C16orf78: variants seen among roughly 807,000 people sequenced by gnomAD.
C16orf78 encodes the protein uncharacterized protein C16orf78.
Under a neutral mutation model 27.3 loss-of-function variants are expected in C16orf78, and 19 were observed. The observed-to-expected ratio is 0.70, with a 90% CI of 0.49 to 1.02. The LOEUF is 1.02. Ranked by LOEUF, C16orf78 falls within the 50% of genes least tolerant of loss-of-function variation. The probability of loss-of-function intolerance (pLI) is 0.00; values close to 1 mark genes in which losing one functional copy is unlikely to be tolerated. For missense variants in C16orf78, 339 were observed against 337.0 expected (o/e 1.01, Z -0.05); for synonymous variants, 130 against 116.1 (o/e 1.12, Z -0.77).
At chr16:49,388,740 C>T (rs1965378261) in intron 3 of C16orf78, among the ~76,000 whole-genome samples, 1 of 152,172 alleles carries the variant, frequency 6.6e-6, no homozygotes, top group Non-Finnish European at 1.5e-5. Context: ...TCTTAAACTC[C>T]TGAGCTCAAG....
At chr16:49,378,015 C>T (rs1025692094) in intron 2 of C16orf78, among the ~76,000 whole-genome samples, 165 bp downstream of exon 2, 10 of 152,208 alleles carry the variant, frequency 6.6e-5, no homozygotes, top group Admixed American at 3.3e-4. Context: ...CCCCTCCCTA[C>T]CCTGTCCAGC....
intron 3 of C16orf78, among the ~76,000 whole-genome samples, chr16:49,386,294 A>C (rs1251318173): frequency 5.9e-5 from 9 of 152,262 alleles, no homozygotes; most frequent in Non-Finnish European, 1.2e-4. Context: ...TGGGTAGGTC[A>C]TGCAGGCAGA....
chr16:49,380,378 TA>T, intron 3 of C16orf78, among the ~76,000 whole-genome samples: 1 of 152,306 alleles, frequency 6.6e-6, no homozygotes, highest in East Asian at 1.9e-4. Context: ...AAGGTTTATT[TA>T]AAAAATAATC....
intron 3 of C16orf78, among the ~76,000 whole-genome samples, chr16:49,381,095 A>G (rs1166106910): frequency 1.3e-5 from 2 of 152,144 alleles, no homozygotes; most frequent in Non-Finnish European, 2.9e-5. Context: ...CTTTTGGCTT[A>G]GGATTGACTT....
At chr16:49,382,417 T>A (rs1318204474) in intron 3 of C16orf78, among the ~76,000 whole-genome samples, 1 of 146,416 alleles carries the variant, frequency 6.8e-6, no homozygotes. Flanking sequence ...AGTATAATAA[T>A]AAAATAAATA....
At chr16:49,380,832 G>A (rs1332511675) in intron 3 of C16orf78, among the ~76,000 whole-genome samples, 1 of 152,052 alleles carries the variant, frequency 6.6e-6, no homozygotes, top group East Asian at 1.9e-4. Flanking sequence ...AAGGGATCCA[G>A]TTTCAGCTTT....
At chr16:49,379,971 A>T (rs1336030384) in intron 3 of C16orf78, among the ~76,000 whole-genome samples, 2 of 152,242 alleles carry the variant, frequency 1.3e-5, no homozygotes. Context: ...CTGCCAGCAC[A>T]GCTAGAATAA....
chr16:49,374,406 T>C (rs1184348270), intron 1 of C16orf78, among the ~76,000 whole-genome samples: 3 of 152,186 alleles, frequency 2.0e-5, no homozygotes, highest in South Asian at 2.1e-4. Flanking sequence ...CATTCCTGGA[T>C]TGTAAAACTA....
At chr16:49,379,699 CA>C (rs1965264715) in intron 3 of C16orf78, among the ~76,000 whole-genome samples, 1 of 152,108 alleles carries the variant, frequency 6.6e-6, no homozygotes, top group Non-Finnish European at 1.5e-5. Flanking sequence ...TTAGTCGTGA[CA>C]AACATGCCAT....
At chr16:49,374,142 G>A in intron 1 of C16orf78, 53 bp downstream of exon 1, 3 of 1,596,274 alleles carry the variant, frequency 1.9e-6, no homozygotes, top group Non-Finnish European at 2.6e-6. Context: ...GGTAGTTGCA[G>A]TAGGGGAGAG....
rs765501989 is a variant in C16orf78, at chr16:49,399,301, T to A, written c.*23T>A. ...TAAATAGCTCCTCTCGCCACCACCTTCAGGCTCCTTCTGTCATGGGACCCT... is the reference window on the plus strand; with the variant it reads ...TAAATAGCTCCTCTCGCCACCACCTACAGGCTCCTTCTGTCATGGGACCCT... On this transcript the variant is annotated 3_prime_UTR_variant, in exon 5 of 5. Coordinates refer to ENST00000299191, the MANE Select transcript of C16orf78 (RefSeq NM_144602.4). 2 of 1,612,444 alleles carry A rather than the reference T, an allele frequency of 1.2e-6. No homozygotes were observed. Among genetic ancestry groups the A allele is most frequent in the Non-Finnish European group, 1.7e-6 (2 of 1,179,278 alleles).
intron 4 of C16orf78, 37 bp from the exon 5 acceptor site, chr16:49,399,094 C>T (rs2151617550): frequency 6.2e-7 from 1 of 1,604,982 alleles, no homozygotes; most frequent in East Asian, 2.2e-5. Flanking sequence ...GCTGTGACTC[C>T]ACCTTCAACT....
At chr16:49,385,490 CG>C (rs570528435) in intron 3 of C16orf78, among the ~76,000 whole-genome samples, 531 of 152,078 alleles carry the variant, frequency 3.5e-3, no homozygotes, top group African/African-American at 0.012. Flanking sequence ...GGTGAAACCT[CG>C]TCTCTACTAA....
At chr16:49,385,680 C>T (rs1436274372) in intron 3 of C16orf78, among the ~76,000 whole-genome samples, 1 of 150,114 alleles carries the variant, frequency 6.7e-6, no homozygotes, top group Non-Finnish European at 1.5e-5. Flanking sequence ...ATGTTTTGTA[C>T]AAGCCTTATG....
At chr16:49,388,108 G>A (rs1596927435) in intron 3 of C16orf78, among the ~76,000 whole-genome samples, 1 of 152,064 alleles carries the variant, frequency 6.6e-6, no homozygotes, top group Non-Finnish European at 1.5e-5. Context: ...AACATAGTGA[G>A]ATCCTGTCTC....
chr16:49,383,991 A>G (rs867683229), intron 3 of C16orf78, among the ~76,000 whole-genome samples: 37 of 152,362 alleles, frequency 2.4e-4, no homozygotes, highest in Middle Eastern at 6.8e-3. Flanking sequence ...CAAACAACTA[A>G]ATGAAATAGG....
chr16:49,399,047 G>A, intron 4 of C16orf78, 84 bp from the exon 5 acceptor site: 1 of 1,465,590 alleles, frequency 6.8e-7, no homozygotes, highest in Non-Finnish European at 9.4e-7. Flanking sequence ...ACTTACTGCT[G>A]CTCAAATCTA....
chr16:49,397,838 T>C (rs113343343), intron 4 of C16orf78, among the ~76,000 whole-genome samples: 13,118 of 152,228 alleles, frequency 0.086, 797 homozygotes, highest in South Asian at 0.16. Flanking sequence ...TGATCTCGGC[T>C]CACTGCAACC....
At chr16:49,378,994 G>T (rs1278294479) in intron 3 of C16orf78, among the ~76,000 whole-genome samples, 5 of 152,152 alleles carry the variant, frequency 3.3e-5, no homozygotes, top group Admixed American at 2.0e-4. Context: ...CCTGCCAGGG[G>T]TTGCTCACCT....
Sources: allele counts gnomAD v4.1 joint callset (sites outside exome capture counted in the v4.1 genomes callset), GRCh38; gene constraint gnomAD v4.1.1; transcripts MANE v1.5; gene names NCBI Gene and HGNC (gene_info 2026-07-23, HGNC 2026-07-21).